MUC5B: variants seen among roughly 807,000 people sequenced by gnomAD.
MUC5B encodes the protein mucin 5B, oligomeric mucus/gel-forming, also known as mucin-5B.
Under a neutral mutation model 376.9 loss-of-function variants are expected in MUC5B, and 116 were observed. The observed-to-expected ratio is 0.31, with a 90% CI of 0.26 to 0.36. The LOEUF (loss-of-function observed/expected upper bound fraction) is 0.36. MUC5B is among the 10% of genes least tolerant of loss of function. The pLI is 1.00. For missense variants in MUC5B, 7,165 were observed against 7,769.9 expected (o/e 0.92, Z 2.93); for synonymous variants, 3,517 against 3,390.9 (o/e 1.04, Z -1.29).
In MUC5B at chr11:1,244,598, C is replaced by A; in HGVS notation, c.7718C>A (p.Thr2573Asn). Residue 2573 changes from threonine to asparagine, a missense_variant, in exon 31 of 49, where the codon ACT becomes AAT. Thr to Asn is a moderately conservative substitution (Grantham distance 65). Transcript: ENST00000529681. ...STATPSSTPE[T>N]VHTSTVLTTT... ...GCCACACCCTCCTCCACTCCAGAGA[C>A]TGTCCACACCTCCACAGTGCTTACC... 1.2e-6 allele frequency: 2 copies of A among 1,613,684 alleles called. No homozygotes were observed. The highest frequency in any genetic ancestry group is 1.7e-6 in the Non-Finnish European group (2 of 1,179,780).
At position 1,245,019 on chromosome 11, in the gene MUC5B, A is replaced by G; in HGVS notation, c.8139A>G (p.Thr2713=). The G allele has an allele frequency of 6.5e-7, 1 of 1,527,380 alleles. No homozygotes were observed. Among genetic ancestry groups the G allele is most frequent in the Middle Eastern group, 1.7e-4 (1 of 5,806 alleles). The allele number at this position is 1,527,380 out of a possible 1,614,324, so 94.6% of individuals were successfully genotyped here. A position where few individuals can be genotyped will look rare whatever the true frequency, so the allele number is the denominator to read the frequency against. Reference sequence around the variant, plus strand: ...ACCCCTCCTCAACTCCAGGGACAACACCTATCCCCCCAGTGCTGACCACCA... The same window carrying G: ...ACCCCTCCTCAACTCCAGGGACAACGCCTATCCCCCCAGTGCTGACCACCA... ...TTNPSSTPGT[T]PIPPVLTTTA... The change falls in exon 31 of 49, where the codon ACA becomes ACG. Residue 2713 remains threonine (T), a synonymous_variant. Coordinates refer to ENST00000529681, the MANE Select transcript of MUC5B (RefSeq NM_002458.3).
chr11:1,247,523 C>A lies in MUC5B; in HGVS notation c.10643C>A (p.Thr3548Asn). Residue 3548 changes from threonine to asparagine, a missense_variant, in exon 31 of 49, where the codon ACC becomes AAC. By Grantham distance (65) the Thr-to-Asn change is moderately conservative (BLOSUM62 0). Coordinates refer to ENST00000529681, the MANE Select transcript of MUC5B (RefSeq NM_002458.3). ...ACAGCCACAGCCACACCCAGCAAGA[C>A]CCGCACCTCGACCCTGCTGCCCAGC... is the stretch of plus-strand genomic sequence containing the variant. ...RTTATATPSK[T>N]RTSTLLPSSP... 6.2e-7 allele frequency: 1 copy of A among 1,610,402 alleles called. No homozygotes were observed. Among genetic ancestry groups the A allele is most frequent in the Non-Finnish European group, 8.5e-7 (1 of 1,179,008 alleles).
chr11:1,242,428 A>C lies in MUC5B; in HGVS notation c.5548A>C (p.Ser1850Arg). 6.2e-7 allele frequency: 1 copy of C among 1,613,836 alleles called. No individual in the cohort carries two copies. Among genetic ancestry groups the C allele is most frequent in the Non-Finnish European group, 8.5e-7 (1 of 1,179,828 alleles). The change falls in exon 31 of 49, where the codon AGC (serine) becomes CGC (arginine). Residue 1850 changes from serine (S) to arginine (R), a missense_variant. Physicochemically the swap from Ser to Arg is moderately radical, Grantham distance 110. Transcript: ENST00000529681. ...IDQVGQVLTC[S>R]LETGLTCKNE... Reference sequence around the variant, plus strand: ...CCAGGTCGGGCAGGTGCTGACCTGCAGCCTGGAGACGGGGCTGACCTGCAA... The same window carrying C: ...CCAGGTCGGGCAGGTGCTGACCTGCCGCCTGGAGACGGGGCTGACCTGCAA...
At chr11:1,233,381 C>T in intron 18 of MUC5B, 113 bp downstream of exon 18, 3 of 1,246,018 alleles carry the variant, frequency 2.4e-6, no homozygotes, top group Admixed American at 2.9e-5. Flanking sequence ...AGGGGCCAGG[C>T]TGGGGAGAGT....
Position 1,245,773 on chromosome 11 carries a change from T to A in MUC5B, c.8893T>A (p.Cys2965Ser). The change falls in exon 31 of 49, where the codon TGC (cysteine) becomes AGC (serine). Residue 2965 changes from cysteine to serine, a missense_variant. Physicochemically the swap from Cys to Ser is moderately radical, Grantham distance 112. This residue lies in a region of MUC5B where 57 missense variants were observed against 167.2 expected (regional missense o/e 0.34). Transcript: ENST00000529681. ...MCFNYEIRVF[C>S]CNYGHCPSTP... ...CTTCAACTATGAAATCCGTGTGTTCTGCTGCAACTACGGCCACTGCCCCAG... is the reference window on the plus strand; with the variant it reads ...CTTCAACTATGAAATCCGTGTGTTCAGCTGCAACTACGGCCACTGCCCCAG... 1 of 1,612,830 alleles carries A rather than the reference T, an allele frequency of 6.2e-7. No homozygotes were observed. Among genetic ancestry groups the A allele is most frequent in the Non-Finnish European group, 8.5e-7 (1 of 1,179,736 alleles).
rs114261670 is a variant in MUC5B at position 1,255,080 on chromosome 11, G to T, written c.15704G>T (p.Arg5235Leu). The T allele has an allele frequency of 8.8e-6, 14 of 1,595,422 alleles. No individual in the cohort carries two copies. The East Asian group carries it at 3.0e-4, about 34-fold the overall frequency. ...TNNQRDDCLQ[R>L]DGTTAASCKD... is the part of the protein sequence containing the mutation. ...AACCAGAGGGACGACTGTCTCCAGC[G>T]GGACGGAACCACTGCCGCCAGTTGC... is the stretch of plus-strand genomic sequence containing the variant. The change falls in exon 36 of 49, where the codon CGG (arginine) becomes CTG (leucine). Residue 5235 changes from arginine to leucine, a missense_variant. By Grantham distance (102) the Arg-to-Leu change is moderately radical (BLOSUM62 -2). Around this residue, in one of 31 missense-constraint regions of MUC5B, gnomAD observed 842 missense variants for 1,016.9 expected, o/e 0.83. Transcript: ENST00000529681.
At position 1,231,882 on chromosome 11, in the gene MUC5B, C is replaced by T; in HGVS notation, c.1679-114C>T. The stretch of plus-strand genomic sequence containing the variant: ...TGCAGAGGGTTCTGGGAGCAGAATC[C>T]TGGGACAGGGCTCCCAGCCGTTCCA... On this transcript the variant is annotated intron_variant, in intron 14 of 48. Transcript: ENST00000529681. The T allele has an allele frequency of 3.5e-6, 5 of 1,425,278 alleles. 1 individual carries two copies. The South Asian group carries it at 6.5e-5, about 18-fold the overall frequency. The allele number at this position is 1,425,278 out of a possible 1,614,324, so 88.3% of individuals were successfully genotyped here.
Position 1,249,879 on chromosome 11 carries a change from C to G in MUC5B, c.12999C>G (p.Thr4333=), listed in dbSNP as rs1862619547. ...CCATCCCCTCCTCCACCCTTGGGAC[C>G]ACCGGGACCCTCCCAGAACAGACCA... ...VTPIPSSTLG[T]TGTLPEQTTT... Residue 4333 remains threonine, a synonymous_variant, in exon 31 of 49, where the codon ACC becomes ACG. Transcript: ENST00000529681. 1 of 1,613,506 alleles carries G rather than the reference C, an allele frequency of 6.2e-7. No homozygotes were observed. Among genetic ancestry groups the G allele is most frequent in the African/African-American group, 1.3e-5 (1 of 74,808 alleles).
chr11:1,260,169 A>AGGGAGGCCCCACCCCTGCTG (rs772205795), intron 46 of MUC5B, 84 bp downstream of exon 46: 263 of 1,537,776 alleles, frequency 1.7e-4, no homozygotes, highest in African/African-American at 8.8e-4. Context: ...CCTGCACAGC[A>AGGGAGGCCCCACCCCTGCTG]GGGAGGCCCC....
In MUC5B at chr11:1,261,460, C is replaced by T. The variant is rs368503821; in HGVS notation, c.17141C>T (p.Thr5714Met). 8.4e-5 allele frequency: 131 copies of T among 1,551,584 alleles called. 1 individual carries two copies. The Admixed American group carries it at 1.2e-3, about 14-fold the overall frequency. Residue 5714 changes from threonine to methionine, a missense_variant, in exon 49 of 49, where the codon ACG becomes ATG. Thr to Met is a moderately conservative substitution (Grantham distance 81). Coordinates refer to ENST00000529681, the MANE Select transcript of MUC5B (RefSeq NM_002458.3). The stretch of plus-strand genomic sequence containing the variant: ...CAGGAGAGGCGGGTCCACGAGGAGA[C>T]GGTGCCCTTGCACTGTCCTAACGGC... ...CCQERRVHEE[T>M]VPLHCPNGSA...
At chr11:1,231,708 C>T (rs1862033036) in intron 14 of MUC5B, 148 bp downstream of exon 14, 4 of 1,117,320 alleles carry the variant, frequency 3.6e-6, no homozygotes, top group Non-Finnish European at 1.2e-6. Context: ...GGTGCCAGCG[C>T]AGGACACCAG....
rs569933321 is a variant in MUC5B, at chr11:1,242,830, C to G, written c.5950C>G (p.Pro1984Ala). The change falls in exon 31 of 49, where the codon CCC becomes GCC. Residue 1984 changes from proline (P) to alanine (A), a missense_variant. By Grantham distance (27) the Pro-to-Ala change is conservative (BLOSUM62 -1). This residue lies in a region of MUC5B where 897 missense variants were observed against 779.6 expected (regional missense o/e 1.15). Coordinates refer to ENST00000529681, the MANE Select transcript of MUC5B (RefSeq NM_002458.3). ...TPTATSVTPI[P>A]SSSLGTTWTR... Reference sequence around the variant, plus strand: ...CACAGCTACCAGCGTTACACCCATCCCCTCTTCCTCCCTGGGCACCACCTG... The same window carrying G: ...CACAGCTACCAGCGTTACACCCATCGCCTCTTCCTCCCTGGGCACCACCTG... 21 of 1,613,404 alleles carry G rather than the reference C, an allele frequency of 1.3e-5. No individual in the cohort carries two copies. The East Asian group carries it at 4.5e-4, about 34-fold the overall frequency.
Position 1,236,431 on chromosome 11 carries a change from A to G in MUC5B, c.2926A>G (p.Arg976Gly). The change falls in exon 24 of 49, where the codon AGA becomes GGA. Residue 976 changes from arginine to glycine, a missense_variant. Arg to Gly is a moderately radical substitution (Grantham distance 125). Transcript: ENST00000529681. ...LQEGTFKAVA[R>G]GPGGDPPYKI... Reference sequence around the variant, plus strand: ...AGAGGGGACCTTTAAGGCGGTGGCGAGAGGGCCGGGTGGGGACCCACCCTA... The same window carrying G: ...AGAGGGGACCTTTAAGGCGGTGGCGGGAGGGCCGGGTGGGGACCCACCCTA... The G allele has an allele frequency of 6.2e-7, 1 of 1,612,458 alleles. No homozygotes were observed. The highest frequency in any genetic ancestry group is 8.5e-7 in the Non-Finnish European group (1 of 1,179,636).
At chr11:1,259,384 T>A in intron 44 of MUC5B, 1 of 481,448 alleles carries the variant, frequency 2.1e-6, no homozygotes, top group East Asian at 3.8e-5. Context: ...GACCCAGCCC[T>A]GAGTCACTTA....
At chr11:1,227,200 C>T (rs56241429) in intron 5 of MUC5B, 55 bp downstream of exon 5, 16 of 1,574,204 alleles carry the variant, frequency 1.0e-5, no homozygotes, top group East Asian at 4.5e-5. Context: ...AAACCCCCAC[C>T]GGGGGTCGAG....
Position 1,251,836 on chromosome 11 carries a change from G to T in MUC5B, c.14863+93G>T. Reference sequence around the variant, plus strand: ...CCTGGGAGCCAGTGGCTTTCTCCCTGCTGGTCATGTTTGTTCCCCACTGGC... The same window carrying T: ...CCTGGGAGCCAGTGGCTTTCTCCCTTCTGGTCATGTTTGTTCCCCACTGGC... On this transcript the variant is annotated intron_variant, in intron 31 of 48. Coordinates refer to ENST00000529681, the MANE Select transcript of MUC5B (RefSeq NM_002458.3). 1.4e-5 allele frequency: 13 copies of T among 936,196 alleles called. No homozygotes were observed. In the South Asian group the frequency reaches 2.1e-4, roughly 15 times the overall value. 58.0% of individuals were successfully genotyped at this position (936,196 alleles called of 1,614,324 possible).
intron 18 of MUC5B, 82 bp downstream of exon 18, chr11:1,233,350 C>T (rs1350274652): frequency 3.6e-6 from 5 of 1,406,982 alleles, no homozygotes; most frequent in Non-Finnish European, 4.7e-6. Flanking sequence ...CTGTGCCTCC[C>T]CCCGAGGGTT....
At position 1,251,641 on chromosome 11, in the gene MUC5B, G is replaced by A. The variant is rs763479591; in HGVS notation, c.14761G>A (p.Val4921Met). Residue 4921 changes from valine to methionine, a missense_variant, in exon 31 of 49, where the codon GTG (valine) becomes ATG (methionine). By Grantham distance (21) the Val-to-Met change is conservative. Coordinates refer to ENST00000529681, the MANE Select transcript of MUC5B (RefSeq NM_002458.3). ...SSLPTFSVST[V>M]SSSVLTTLRP... ...CCTGCCAACCTTCAGCGTGTCCACTGTGTCCTCCTCAGTCCTCACCACCCT... is the reference window on the plus strand; with the variant it reads ...CCTGCCAACCTTCAGCGTGTCCACTATGTCCTCCTCAGTCCTCACCACCCT... 14 of 1,612,960 alleles carry A rather than the reference G, an allele frequency of 8.7e-6. No individual in the cohort carries two copies. The highest frequency in any genetic ancestry group is 1.6e-4 in the Middle Eastern group (1 of 6,084).
chr11:1,244,738 C>T lies in MUC5B; in HGVS notation c.7858C>T (p.Pro2620Ser). ...TTTTTGFTAT[P>S]SSSPGTARTL... Reference sequence around the variant, plus strand: ...CACAACCACGGGCTTCACAGCCACCCCCTCCTCCAGCCCAGGGACGGCACG... The same window carrying T: ...CACAACCACGGGCTTCACAGCCACCTCCTCCTCCAGCCCAGGGACGGCACG... The change falls in exon 31 of 49, where the codon CCC becomes TCC. Residue 2620 changes from proline to serine, a missense_variant. By Grantham distance (74) the Pro-to-Ser change is moderately conservative. Coordinates refer to ENST00000529681, the MANE Select transcript of MUC5B (RefSeq NM_002458.3). 4 of 1,612,292 alleles carry T rather than the reference C, an allele frequency of 2.5e-6. No individual in the cohort carries two copies. The highest frequency in any genetic ancestry group is 1.7e-5 in the Admixed American group (1 of 59,764).
Sources: allele counts gnomAD v4.1 joint callset, GRCh38; gene constraint gnomAD v4.1.1; regional missense constraint gnomAD v4.1.1; transcripts MANE v1.5; gene names NCBI Gene and HGNC (gene_info 2026-07-23, HGNC 2026-07-21).